The following RASAL2 variants were observed in gnomAD, a reference collection of about 807,000 sequenced individuals.
RASAL2 encodes the protein ras GTPase-activating protein nGAP.
A neutral mutation model predicts 128.9 loss-of-function variants in RASAL2; 58 were observed. The ratio of observed to expected loss-of-function variants is 0.45; its 90% CI spans 0.36 to 0.56. The LOEUF (loss-of-function observed/expected upper bound fraction) is 0.56. RASAL2 is among the 20% of genes least tolerant of loss of function. The pLI is 0.00. For missense variants in RASAL2, 1,360 were observed against 1,601.6 expected, an observed-to-expected ratio of 0.85 and a Z score of 2.57; for synonymous variants, 561 against 580.8, an observed-to-expected ratio of 0.97 and a Z score of 0.49.
At chr1:178,143,460 C>A (rs1558078066) in intron 1 of RASAL2, among the ~76,000 whole-genome samples, 1 of 151,368 alleles carries the variant, frequency 6.6e-6, no homozygotes, top group African/African-American at 2.4e-5. Context: ...TAAAAAAAAC[C>A]CCAAATCATT....
At chr1:178,427,791 C>T (rs1161952133) in intron 5 of RASAL2, among the ~76,000 whole-genome samples, 1 of 151,920 alleles carries the variant, frequency 6.6e-6, no homozygotes, top group East Asian at 1.9e-4. Context: ...TTCATTTGTG[C>T]ATGTGTGTGT....
intron 4 of RASAL2, among the ~76,000 whole-genome samples, chr1:178,397,855 G>A (rs12072124): frequency 0.16 from 23,480 of 151,306 alleles, 2,491 homozygotes; most frequent in African/African-American, 0.3. Context: ...GGCTCAAGCA[G>A]TCATCCTGCT....
intron 1 of RASAL2, among the ~76,000 whole-genome samples, chr1:178,232,495 AT>A (rs1348872370): frequency 6.6e-6 from 1 of 152,012 alleles, no homozygotes; most frequent in African/African-American, 2.4e-5. Context: ...TTGCCTCAAG[AT>A]TTTCCTTTTC....
intron 1 of RASAL2, among the ~76,000 whole-genome samples, chr1:178,213,496 A>G (rs1171386307): frequency 6.6e-6 from 1 of 152,224 alleles, no homozygotes; most frequent in East Asian, 1.9e-4. Context: ...ATACGATCAA[A>G]TGTTCATCAA....
intron 8 of RASAL2, 152 bp from the exon 9 acceptor site, chr1:178,445,366 A>G: frequency 2.2e-6 from 2 of 909,574 alleles, no homozygotes; most frequent in Non-Finnish European, 3.2e-6. Flanking sequence ...AACACCTAAC[A>G]TTTTATCCTG....
intron 1 of RASAL2, among the ~76,000 whole-genome samples, chr1:178,232,224 A>G (rs537546005): frequency 4.1e-4 from 63 of 152,288 alleles, no homozygotes; most frequent in African/African-American, 1.5e-3. Context: ...ATGAGCAGGC[A>G]GTTGAAAAGA....
chr1:178,362,726 T>C (rs1005566774), intron 3 of RASAL2, among the ~76,000 whole-genome samples: 4 of 152,138 alleles, frequency 2.6e-5, no homozygotes, highest in African/African-American at 9.7e-5. Context: ...CATTATGTTT[T>C]TTTTTTAATT....
intron 1 of RASAL2, among the ~76,000 whole-genome samples, chr1:178,191,688 A>G (rs904591799): frequency 4.6e-5 from 7 of 152,192 alleles, no homozygotes; most frequent in Non-Finnish European, 1.0e-4. Flanking sequence ...TTCCTAGCCT[A>G]TAATCTTGCT....
intron 1 of RASAL2, among the ~76,000 whole-genome samples, chr1:178,105,562 A>C (rs1015147587): frequency 6.6e-6 from 1 of 152,212 alleles, no homozygotes; most frequent in African/African-American, 2.4e-5. Flanking sequence ...TTGCTCCATA[A>C]ATAAGTACTA....
Position 178,457,812 on chromosome 1 carries a change from T to A in RASAL2, c.2520T>A (p.Ser840Arg). The change falls in exon 14 of 18, where the codon AGT becomes AGA. Residue 840 changes from serine (S) to arginine (R), a missense_variant. By Grantham distance (110) the Ser-to-Arg change is moderately radical. This residue lies in a region of RASAL2 where 741 missense variants were observed against 868.6 expected (regional missense o/e 0.85). Coordinates refer to ENST00000367649, the MANE Select transcript of RASAL2 (RefSeq NM_170692.4). The part of the protein sequence containing the change: ...MTYSEKDERE[S>R]SLPNGRSVSL... ...ATTCTGAAAAGGATGAAAGGGAAAGTAGCCTTCCTAATGGTCGGAGCGTCT... is the reference window on the plus strand; with the variant it reads ...ATTCTGAAAAGGATGAAAGGGAAAGAAGCCTTCCTAATGGTCGGAGCGTCT... 1 of 1,614,186 alleles carries A rather than the reference T, an allele frequency of 6.2e-7. No individual in the cohort carries two copies. The highest frequency in any genetic ancestry group is 2.2e-5 in the East Asian group (1 of 44,874).
intron 3 of RASAL2, among the ~76,000 whole-genome samples, chr1:178,305,219 C>A (rs981862769): frequency 6.6e-6 from 1 of 152,152 alleles, no homozygotes; most frequent in African/African-American, 2.4e-5. Context: ...AATGTCCATA[C>A]TGCACAAAGC....
At chr1:178,391,022 A>G (rs999552579) in intron 4 of RASAL2, among the ~76,000 whole-genome samples, 1 of 152,308 alleles carries the variant, frequency 6.6e-6, no homozygotes, top group Non-Finnish European at 1.5e-5. Context: ...CACTTTGCTT[A>G]AGCTATCTTT....
intron 9 of RASAL2, among the ~76,000 whole-genome samples, chr1:178,449,441 A>C (rs74131364): frequency 0.01 from 1,596 of 152,234 alleles, 34 homozygotes; most frequent in African/African-American, 0.037. Flanking sequence ...TTATTCCTAC[A>C]TGTGAAATTT....
At chr1:178,197,758 G>A (rs377467677) in intron 1 of RASAL2, among the ~76,000 whole-genome samples, 1 of 151,984 alleles carries the variant, frequency 6.6e-6, no homozygotes, top group Non-Finnish European at 1.5e-5. Flanking sequence ...GTGCAGGTTT[G>A]TTACATGTGT....
At chr1:178,180,663 T>TCACA (rs3979280) in intron 1 of RASAL2, among the ~76,000 whole-genome samples, 2,680 of 139,166 alleles carry the variant, frequency 0.019, 87 homozygotes, top group African/African-American at 0.063. Context: ...CGAGACTGTC[T>TCACA]CACACACACA....
At chr1:178,360,211 C>T (rs1230024571) in intron 3 of RASAL2, among the ~76,000 whole-genome samples, 2 of 152,204 alleles carry the variant, frequency 1.3e-5, no homozygotes, top group African/African-American at 2.4e-5. Context: ...TTCTTTCACT[C>T]CTCCACCCCT....
chr1:178,364,647 A>G (rs995963457), intron 3 of RASAL2, among the ~76,000 whole-genome samples: 13 of 152,232 alleles, frequency 8.5e-5, no homozygotes, highest in African/African-American at 2.7e-4. Context: ...CTTACAGAGC[A>G]GTGCTAATCA....
chr1:178,352,689 G>C (rs1670583057), intron 3 of RASAL2, among the ~76,000 whole-genome samples: 2 of 152,236 alleles, frequency 1.3e-5, no homozygotes, highest in Non-Finnish European at 2.9e-5. Context: ...TGCCCTAGTA[G>C]AGGTTCTCCA....
rs779799441 is a variant in RASAL2 at position 178,464,323 on chromosome 1, A to G, written c.3298A>G (p.Thr1100Ala). Residue 1100 changes from threonine (T) to alanine (A), a missense_variant, in exon 15 of 18, where the codon ACA becomes GCA. Thr to Ala is a moderately conservative substitution (Grantham distance 58). This residue lies in a region of RASAL2 where 741 missense variants were observed against 868.6 expected (regional missense o/e 0.85). Coordinates refer to ENST00000367649, the MANE Select transcript of RASAL2 (RefSeq NM_170692.4). Reference sequence around the variant, plus strand: ...TGCCACAATGTCCCCAGTAGAGAGGACAGCAGCCTGGGTTCTGAACAATGG... The same window carrying G: ...TGCCACAATGTCCCCAGTAGAGAGGGCAGCAGCCTGGGTTCTGAACAATGG... ...DSATMSPVER[T>A]AAWVLNNGQY... 1.2e-6 allele frequency: 2 copies of G among 1,613,794 alleles called. No individual in the cohort carries two copies. The highest frequency in any genetic ancestry group is 1.7e-6 in the Non-Finnish European group (2 of 1,179,796).
Sources: allele counts gnomAD v4.1 joint callset (sites outside exome capture counted in the v4.1 genomes callset), GRCh38; gene constraint gnomAD v4.1.1; regional missense constraint gnomAD v4.1.1; transcripts MANE v1.5; gene names NCBI Gene and HGNC (gene_info 2026-07-23, HGNC 2026-07-21).